Variants in DSCAML1 observed in about 807,000 individuals in gnomAD.
The protein encoded by DSCAML1 is DS cell adhesion molecule like 1, also known as cell adhesion molecule DSCAML1.
In DSCAML1, 38 loss-of-function variants were observed where a neutral mutation model predicts 200.5. The ratio of observed to expected loss-of-function variants is 0.19; its 90% CI spans 0.15 to 0.25. The LOEUF is 0.25. Ranked by LOEUF, DSCAML1 falls within the 10% of genes least tolerant of loss-of-function variation. DSCAML1 has a pLI of 1.00. For missense variants in DSCAML1, 2,223 were observed against 2,858.8 expected, an observed-to-expected ratio of 0.78 and a Z score of 5.07; for synonymous variants, 1,215 against 1,165.0, an observed-to-expected ratio of 1.04 and a Z score of -0.87.
intron 3 of DSCAML1, among the ~76,000 whole-genome samples, chr11:117,666,455 A>T (rs1253374484): frequency 6.6e-6 from 1 of 152,136 alleles, no homozygotes; most frequent in Non-Finnish European, 1.5e-5. Flanking sequence ...TTCTTGTCTT[A>T]TCCCTGGTTT....
In DSCAML1 at chr11:117,516,317, C is replaced by CT. The variant is rs1227798166; in HGVS notation, c.1783+149dup. The CT allele has an allele frequency of 2.8e-5, 29 of 1,040,280 alleles. No homozygotes were observed. In the East Asian group the frequency reaches 7.0e-4, roughly 25 times the overall value. The allele number at this position is 1,040,280 out of a possible 1,614,324, so 64.4% of individuals were successfully genotyped here. The stretch of plus-strand genomic sequence containing the variant: ...CACCCACAGTCTTCTGCCCTGCTCC[C>CT]TTTTTTCTGAATGCCAAGCTGGGGC... On this transcript the variant is annotated intron_variant, in intron 8 of 32. Transcript: ENST00000651296. This position sits in a 1 kb window ranked among gnomAD's most constrained non-coding sequence, Gnocchi z 5.7.
At chr11:117,454,778 G>A (rs542885910) in intron 19 of DSCAML1, among the ~76,000 whole-genome samples, 1 of 152,326 alleles carries the variant, frequency 6.6e-6, no homozygotes, top group African/African-American at 2.4e-5. Flanking sequence ...CCTGCAATCT[G>A]GGCATGAGCA....
chr11:117,542,659 G>A (rs1264474624), intron 3 of DSCAML1, among the ~76,000 whole-genome samples: 1 of 152,266 alleles, frequency 6.6e-6, no homozygotes, highest in East Asian at 1.9e-4. Context: ...ACCCCGAGGT[G>A]CATGAATCAG....
intron 3 of DSCAML1, among the ~76,000 whole-genome samples, chr11:117,674,980 G>A (rs542684370): frequency 1.1e-3 from 168 of 152,298 alleles, no homozygotes; most frequent in African/African-American, 3.5e-3. Context: ...AGAGAGTGGC[G>A]TGCTTAAGAG....
At chr11:117,578,477 T>A (rs2050989449) in intron 3 of DSCAML1, among the ~76,000 whole-genome samples, 1 of 151,714 alleles carries the variant, frequency 6.6e-6, no homozygotes, top group African/African-American at 2.4e-5. Context: ...TCAAGACCAG[T>A]CTCGCCAACA....
At chr11:117,687,448 T>TTTTTTTTTA (rs1555198843) in intron 3 of DSCAML1, among the ~76,000 whole-genome samples, 1 of 148,634 alleles carries the variant, frequency 6.7e-6, no homozygotes, top group African/African-American at 2.5e-5. Context: ...TTTTTTTTTT[T>TTTTTTTTTA]AGAGATGGGG....
chr11:117,537,235 T>C (rs573597622), intron 3 of DSCAML1, among the ~76,000 whole-genome samples: 1 of 152,380 alleles, frequency 6.6e-6, no homozygotes, highest in African/African-American at 2.4e-5. Context: ...TCAGTTTGGC[T>C]GAATCTATCA....
At chr11:117,560,583 G>C (rs970592417) in intron 3 of DSCAML1, among the ~76,000 whole-genome samples, 2 of 152,130 alleles carry the variant, frequency 1.3e-5, no homozygotes, top group African/African-American at 4.8e-5. Context: ...GCTCTCTCTG[G>C]GACCTTGTTA....
At chr11:117,721,063 G>A (rs1470901889) in intron 3 of DSCAML1, among the ~76,000 whole-genome samples, 4 of 152,168 alleles carry the variant, frequency 2.6e-5, no homozygotes, top group East Asian at 1.9e-4. Flanking sequence ...ACCAAGATGC[G>A]GAGAGGTGAA....
intron 3 of DSCAML1, among the ~76,000 whole-genome samples, chr11:117,712,397 G>C (rs2053865527): frequency 2.0e-5 from 3 of 152,216 alleles, no homozygotes; most frequent in East Asian, 1.9e-4. Context: ...GCAAGCTCCT[G>C]CTATTCATTA....
chr11:117,558,160 A>T lies in DSCAML1; in HGVS notation c.512-25638T>A, dbSNP rs148236218. On this transcript the variant is annotated intron_variant, in intron 3 of 32. Transcript: ENST00000651296. ...CAGGCACAGGGCAGTGCCGGGTGCC[A>T]TAGAGGCAACAAAAGAAGCAGTGGG... 3.5e-3 allele frequency among the ~76,000 whole-genome samples: 526 copies of T among 152,256 alleles called. 1 individual carries two copies. The highest frequency in any genetic ancestry group is 0.012 in the African/African-American group (492 of 41,546).
At chr11:117,507,030 C>T (rs1362996763) in intron 8 of DSCAML1, among the ~76,000 whole-genome samples, 1 of 151,970 alleles carries the variant, frequency 6.6e-6, no homozygotes, top group African/African-American at 2.4e-5. Flanking sequence ...TGTCTCAGCC[C>T]CTGGATGGCC....
At chr11:117,465,845 A>G (rs1455651369) in intron 16 of DSCAML1, among the ~76,000 whole-genome samples, 2 of 152,214 alleles carry the variant, frequency 1.3e-5, no homozygotes, top group East Asian at 1.9e-4. Context: ...ACAAAAAGTA[A>G]TAAGATGGAG....
chr11:117,506,419 G>A (rs1464056132), intron 8 of DSCAML1, among the ~76,000 whole-genome samples: 1 of 152,070 alleles, frequency 6.6e-6, no homozygotes, highest in Non-Finnish European at 1.5e-5. Flanking sequence ...AGGTTGCCCA[G>A]TTCATAAGAT....
At chr11:117,676,259 A>G (rs767169605) in intron 3 of DSCAML1, among the ~76,000 whole-genome samples, 1 of 152,002 alleles carries the variant, frequency 6.6e-6, no homozygotes, top group African/African-American at 2.4e-5. Flanking sequence ...AAGGCAGGGA[A>G]TGAGGCAGAG....
In DSCAML1 at chr11:117,756,442, G is replaced by A. The variant is rs534115552; in HGVS notation, c.511+20349C>T. The stretch of plus-strand genomic sequence containing the variant: ...AACTCAGAGCAAGGAAGCAGAATTC[G>A]GCAGAGTTGGGAGCCAGAGCCAGCG... On this transcript the variant is annotated intron_variant, in intron 3 of 32. Transcript: ENST00000651296. 9.2e-5 allele frequency among the ~76,000 whole-genome samples: 14 copies of A among 152,274 alleles called. No individual in the cohort carries two copies. In the South Asian group the frequency reaches 2.5e-3, roughly 27 times the overall value.
chr11:117,630,499 G>A (rs966941590), intron 3 of DSCAML1, among the ~76,000 whole-genome samples: 1 of 151,952 alleles, frequency 6.6e-6, no homozygotes, highest in African/African-American at 2.4e-5. Flanking sequence ...GACCTGGCGG[G>A]CCTGTCTCTC....
intron 16 of DSCAML1, among the ~76,000 whole-genome samples, chr11:117,468,487 A>G (rs142239919): frequency 0.013 from 1,978 of 152,266 alleles, 41 homozygotes; most frequent in South Asian, 0.019. Flanking sequence ...AGTACTTTAC[A>G]TATTTATTCA....
intron 3 of DSCAML1, among the ~76,000 whole-genome samples, chr11:117,598,312 G>A (rs532983555): frequency 2.7e-4 from 41 of 152,308 alleles, no homozygotes; most frequent in African/African-American, 8.4e-4. Context: ...ATAGAACCTT[G>A]ATGTTTTCCC....
Sources: allele counts gnomAD v4.1 joint callset (sites outside exome capture counted in the v4.1 genomes callset), GRCh38; gene constraint gnomAD v4.1.1; non-coding constraint Gnocchi (gnomAD v3.1); transcripts MANE v1.5; gene names NCBI Gene and HGNC (gene_info 2026-07-23, HGNC 2026-07-21).